IL7: variants seen among roughly 807,000 people sequenced by gnomAD.
IL7 encodes the protein interleukin 7.
Under a neutral mutation model 21.6 loss-of-function variants are expected in IL7, and 3 were observed. That is an observed-to-expected ratio of 0.14 (90% CI 0.06 to 0.36). IL7 has a LOEUF of 0.36. Among genes scored for constraint, IL7 ranks in the 10% least tolerant of loss-of-function variants. The pLI is 1.00. For missense variants in IL7, 175 were observed against 200.2 expected (o/e 0.87, Z 0.76); for synonymous variants, 62 against 68.1 (o/e 0.91, Z 0.44).
rs540123476 is a variant in IL7, at chr8:78,749,486, A to G, written c.148-9404T>C. Among the ~76,000 whole-genome samples the G allele has an allele frequency of 3.3e-4, 50 of 152,310 alleles. 1 individual carries two copies. In the South Asian group the frequency reaches 0.01, roughly 31 times the overall value. The stretch of plus-strand genomic sequence containing the variant: ...CCCTAAAGTTGGAGAGAAAGAGAGG[A>G]TCCCCAAATTAGAGAAACAGATAGA... On this transcript the variant is annotated intron_variant, in intron 2 of 5. Transcript: ENST00000263851.
chr8:78,740,866 A>AT lies in IL7; in HGVS notation c.148-785dup, dbSNP rs72023068. Among the ~76,000 whole-genome samples the AT allele has an allele frequency of 9.7e-3, 1,447 of 149,548 alleles. 15 individuals carry two copies. Among genetic ancestry groups the AT allele is most frequent in the South Asian group, 0.018 (83 of 4,708 alleles). On this transcript the variant is annotated intron_variant, in intron 2 of 5. Transcript: ENST00000263851. ...GAGAAAGCAGACTGATATGTGCGCT[A>AT]TTTTTTTTTTCATTTACAAGGAATG...
intron 3 of IL7, among the ~76,000 whole-genome samples, chr8:78,725,522 C>G (rs551301961): frequency 2.6e-5 from 4 of 151,998 alleles, no homozygotes; most frequent in Non-Finnish European, 5.9e-5. Context: ...TTATTATTTG[C>G]TTAAACTGAT....
intron 2 of IL7, among the ~76,000 whole-genome samples, chr8:78,769,101 G>C (rs1160382633): frequency 1.3e-5 from 2 of 151,996 alleles, no homozygotes; most frequent in African/African-American, 2.4e-5. Flanking sequence ...AAAACTGGAA[G>C]CATTCCCTTT....
chr8:78,763,189 G>T (rs1408152300), intron 2 of IL7, among the ~76,000 whole-genome samples: 3 of 152,222 alleles, frequency 2.0e-5, no homozygotes, highest in Non-Finnish European at 4.4e-5. Context: ...GACAGCATTT[G>T]TTGGTGCCAG....
At chr8:78,722,173 A>G (rs1402672500) in intron 3 of IL7, among the ~76,000 whole-genome samples, 2 of 151,948 alleles carry the variant, frequency 1.3e-5, no homozygotes. Flanking sequence ...AAAAGCAAAT[A>G]GGTTTCTGTT....
At chr8:78,761,860 A>G (rs1399234900) in intron 2 of IL7, 2 of 1,611,792 alleles carry the variant, frequency 1.2e-6, no homozygotes, top group African/African-American at 2.7e-5. Context: ...CTGGGATTTC[A>G]TCAGCCTCAT....
At chr8:78,761,537 A>G in intron 2 of IL7, 1 of 1,611,948 alleles carries the variant, frequency 6.2e-7, no homozygotes, top group Non-Finnish European at 8.5e-7. Context: ...TTCATAAGGC[A>G]GGAAGCCTAT....
chr8:78,686,541 AG>A, intron 3 of IL7: 1 of 1,551,816 alleles, frequency 6.4e-7, no homozygotes, highest in East Asian at 2.4e-5. Context: ...GAGCAGCTAA[AG>A]GCCTTGATCA....
intron 3 of IL7, chr8:78,698,474 T>C: frequency 1.2e-6 from 2 of 1,613,206 alleles, no homozygotes; most frequent in Non-Finnish European, 1.7e-6. Context: ...CTTCAGACCT[T>C]ATCTCCCTCT....
chr8:78,764,434 T>A (rs1262114527), intron 2 of IL7, among the ~76,000 whole-genome samples: 3 of 152,044 alleles, frequency 2.0e-5, no homozygotes, highest in African/African-American at 7.2e-5. Flanking sequence ...TGTAGAAAAT[T>A]TTTTTAAATT....
At chr8:78,701,963 G>C (rs1810619380) in intron 3 of IL7, among the ~76,000 whole-genome samples, 1 of 152,054 alleles carries the variant, frequency 6.6e-6, no homozygotes, top group African/African-American at 2.4e-5. Flanking sequence ...GCCAGGTTTT[G>C]GTATCAGGGT....
At chr8:78,774,690 AT>A (rs1408276193) in intron 2 of IL7, among the ~76,000 whole-genome samples, 1 of 152,122 alleles carries the variant, frequency 6.6e-6, no homozygotes, top group Non-Finnish European at 1.5e-5. Flanking sequence ...GAAAGTTAAT[AT>A]TTTAACAATT....
chr8:78,737,716 G>A (rs1391773366), intron 4 of IL7, among the ~76,000 whole-genome samples: 3 of 152,058 alleles, frequency 2.0e-5, no homozygotes, highest in African/African-American at 7.2e-5. Context: ...TCTTTTTTAA[G>A]TCATAAAAAT....
intron 2 of IL7, among the ~76,000 whole-genome samples, chr8:78,746,333 G>C (rs1439145949): frequency 1.3e-5 from 2 of 152,222 alleles, no homozygotes; most frequent in African/African-American, 4.8e-5. Flanking sequence ...ATCAGGATTA[G>C]AGGATCTATT....
intron 2 of IL7, among the ~76,000 whole-genome samples, chr8:78,755,735 G>C (rs758680124): frequency 3.9e-5 from 6 of 151,936 alleles, no homozygotes; most frequent in Non-Finnish European, 8.8e-5. Context: ...TTTCCTGGTG[G>C]AGTATTTAGA....
chr8:78,753,857 T>C (rs1424547684), intron 2 of IL7, among the ~76,000 whole-genome samples: 1 of 152,220 alleles, frequency 6.6e-6, no homozygotes, highest in Non-Finnish European at 1.5e-5. Flanking sequence ...CCTGTTTTTG[T>C]CAGGTTTGTC....
Position 78,763,230 on chromosome 8 carries a change from C to T in IL7, c.148-23148G>A, listed in dbSNP as rs150440406. On this transcript the variant is annotated intron_variant, in intron 2 of 5. Coordinates refer to ENST00000263851, the MANE Select transcript of IL7 (RefSeq NM_000880.4). ...GCACATGGGGTGGTTAATCTTCACG[C>T]CCCCAGCCTGTTTTTCTTATTCTTA... 1.6e-3 allele frequency among the ~76,000 whole-genome samples: 242 copies of T among 152,248 alleles called. 2 individuals are homozygous for T. The highest frequency in any genetic ancestry group is 5.4e-3 in the African/African-American group (225 of 41,536).
chr8:78,698,657 C>A, intron 3 of IL7: 1 of 522,402 alleles, frequency 1.9e-6, no homozygotes, highest in Non-Finnish European at 3.1e-6. Flanking sequence ...GGAGCACACT[C>A]ACTGCTGTTG....
intron 3 of IL7, among the ~76,000 whole-genome samples, chr8:78,695,446 A>G (rs189784717): frequency 3.3e-5 from 5 of 152,310 alleles, no homozygotes; most frequent in Admixed American, 2.0e-4. Context: ...TCAATATGTA[A>G]TAGGCCACAT....
Sources: allele counts gnomAD v4.1 joint callset (sites outside exome capture counted in the v4.1 genomes callset), GRCh38; gene constraint gnomAD v4.1.1; transcripts MANE v1.5; gene names NCBI Gene and HGNC (gene_info 2026-07-23, HGNC 2026-07-21).